Variants in TDRD3 observed in about 807,000 individuals in gnomAD.
TDRD3 encodes tudor domain-containing protein 3.
Under a neutral mutation model 86.7 loss-of-function variants are expected in TDRD3, and 45 were observed. The ratio of observed to expected loss-of-function variants is 0.52; its 90% CI spans 0.41 to 0.67. The LOEUF is 0.67. TDRD3 is among the 30% of genes least tolerant of loss of function. The pLI is 0.00. For synonymous variants in TDRD3, 298 were observed against 301.7 expected, an observed-to-expected ratio of 0.99 and a Z score of 0.13; for missense variants, 814 against 889.0, an observed-to-expected ratio of 0.92 and a Z score of 1.07.
chr13:60,504,012 A>G (rs185272610), intron 8 of TDRD3, among the ~76,000 whole-genome samples: 2 of 152,342 alleles, frequency 1.3e-5, no homozygotes, highest in African/African-American at 4.8e-5. Context: ...TTTTATTTCA[A>G]TGCTCAATTT....
intron 5 of TDRD3, among the ~76,000 whole-genome samples, chr13:60,471,742 A>G (rs1295448442): frequency 6.6e-6 from 1 of 152,250 alleles, no homozygotes; most frequent in Admixed American, 6.5e-5. Flanking sequence ...TGAATTTAGT[A>G]TTCTAACAGT....
chr13:60,506,141 G>T (rs1419644592), intron 8 of TDRD3, among the ~76,000 whole-genome samples: 1 of 152,084 alleles, frequency 6.6e-6, no homozygotes, highest in Admixed American at 6.5e-5. Flanking sequence ...AGAAAGGTCA[G>T]GTTACCCTCA....
chr13:60,488,455 C>A (rs1956499976), intron 7 of TDRD3, among the ~76,000 whole-genome samples: 1 of 152,116 alleles, frequency 6.6e-6, no homozygotes, highest in Non-Finnish European at 1.5e-5. Context: ...GACTATTGGG[C>A]TGATTTCAAT....
intron 11 of TDRD3, among the ~76,000 whole-genome samples, chr13:60,531,597 G>A (rs1487805878): frequency 6.6e-6 from 1 of 152,102 alleles, no homozygotes; most frequent in Non-Finnish European, 1.5e-5. Flanking sequence ...AGTGACTCAG[G>A]CTTTCCATTG....
At chr13:60,453,369 C>T (rs1955591724) in intron 3 of TDRD3, among the ~76,000 whole-genome samples, 1 of 152,202 alleles carries the variant, frequency 6.6e-6, no homozygotes, top group Non-Finnish European at 1.5e-5. Context: ...TTCAGTTCTA[C>T]TTAGATAAAT....
intron 4 of TDRD3, chr13:60,460,754 C>T (rs914576813): frequency 1.3e-5 from 5 of 371,592 alleles, no homozygotes; most frequent in African/African-American, 2.2e-5. Context: ...CCTGTAATCC[C>T]AGCACTTTGG....
chr13:60,559,770 C>T (rs528655285), intron 12 of TDRD3, among the ~76,000 whole-genome samples: 22 of 152,190 alleles, frequency 1.4e-4, no homozygotes, highest in African/African-American at 3.6e-4. Flanking sequence ...TCAAAGGTTA[C>T]GAAGTTTCAG....
chr13:60,473,570 A>ATGATTATATG (rs1025045332), intron 5 of TDRD3, among the ~76,000 whole-genome samples: 1 of 152,250 alleles, frequency 6.6e-6, no homozygotes, highest in African/African-American at 2.4e-5. Context: ...GATTATAGAT[A>ATGATTATATG]TGATTATATG....
At chr13:60,476,238 A>G (rs1207272975) in intron 5 of TDRD3, among the ~76,000 whole-genome samples, 2 of 152,194 alleles carry the variant, frequency 1.3e-5, no homozygotes, top group Non-Finnish European at 2.9e-5. Flanking sequence ...GAAGGGGTCC[A>G]GTTTCAATCT....
chr13:60,415,185 G>C (rs1206697771), intron 1 of TDRD3, among the ~76,000 whole-genome samples: 1 of 151,962 alleles, frequency 6.6e-6, no homozygotes, highest in Non-Finnish European at 1.5e-5. Context: ...TAGGCATGAA[G>C]GGCCTAATGA....
chr13:60,463,575 A>G (rs748134064), intron 4 of TDRD3, among the ~76,000 whole-genome samples: 5 of 152,134 alleles, frequency 3.3e-5, no homozygotes, highest in Non-Finnish European at 5.9e-5. Context: ...TGAGGAGACT[A>G]CCTACAGAAT....
chr13:60,477,013 C>CT (rs201961402), intron 5 of TDRD3, among the ~76,000 whole-genome samples: 14 of 147,546 alleles, frequency 9.5e-5, no homozygotes, highest in East Asian at 2.0e-4. Context: ...GATAGTTTGA[C>CT]TTTTTTTTTT....
intron 1 of TDRD3, among the ~76,000 whole-genome samples, chr13:60,433,094 G>A (rs760707149): frequency 3.9e-5 from 6 of 152,038 alleles, no homozygotes; most frequent in Non-Finnish European, 8.8e-5. Context: ...TTTCTCATTG[G>A]CATTTTAAAG....
chr13:60,457,999 T>C (rs1310685638), intron 3 of TDRD3, among the ~76,000 whole-genome samples: 1 of 152,114 alleles, frequency 6.6e-6, no homozygotes, highest in East Asian at 1.9e-4. Flanking sequence ...CCAAACGAGG[T>C]CATATTTATA....
intron 4 of TDRD3, among the ~76,000 whole-genome samples, chr13:60,465,511 A>G (rs188583401): frequency 3.7e-4 from 56 of 152,304 alleles, no homozygotes; most frequent in African/African-American, 1.3e-3. Context: ...ACTAAAAATG[A>G]TTAAGCTTGG....
At chr13:60,452,805 A>G (rs1428828247) in intron 3 of TDRD3, among the ~76,000 whole-genome samples, 1 of 135,190 alleles carries the variant, frequency 7.4e-6, no homozygotes, top group Non-Finnish European at 1.6e-5. Context: ...CATTTTGATC[A>G]CTGTTCTTAG....
At position 60,552,604 on chromosome 13, in the gene TDRD3, G is replaced by A. The variant is rs145496491; in HGVS notation, c.2119-14921G>A. On this transcript the variant is annotated intron_variant, in intron 12 of 13. Transcript: ENST00000377881. ...CTTCACTAGGCAGTGCCCCAGTGGG[G>A]ACTCTGTATGTGGGCTGGAGCCCCA... Among the ~76,000 whole-genome samples the A allele has an allele frequency of 5.3e-3, 811 of 152,344 alleles. 7 individuals are homozygous for A. The highest frequency in any genetic ancestry group is 0.014 in the Middle Eastern group (4 of 294).
intron 1 of TDRD3, among the ~76,000 whole-genome samples, chr13:60,417,628 C>T (rs556649554): frequency 2.1e-4 from 32 of 152,228 alleles, no homozygotes; most frequent in Admixed American, 6.5e-4. Context: ...AGGTGTGAGC[C>T]GCCACACTGG....
chr13:60,565,790 A>C (rs1958446272), intron 12 of TDRD3, among the ~76,000 whole-genome samples: 1 of 152,218 alleles, frequency 6.6e-6, no homozygotes, highest in Non-Finnish European at 1.5e-5. Flanking sequence ...TAAAATAGCT[A>C]CTTTTCACAT....
Sources: allele counts gnomAD v4.1 joint callset (sites outside exome capture counted in the v4.1 genomes callset), GRCh38; gene constraint gnomAD v4.1.1; transcripts MANE v1.5; gene names NCBI Gene and HGNC (gene_info 2026-07-23, HGNC 2026-07-21).